SLC25A21: variants seen among roughly 807,000 people sequenced by gnomAD.
SLC25A21 encodes solute carrier family 25 member 21, also known as mitochondrial 2-oxodicarboxylate carrier.
SLC25A21 carries 47 observed loss-of-function variants against 43.8 expected under a neutral mutation model. That is an observed-to-expected ratio of 1.07 (90% CI 0.85 to 1.37). The LOEUF (loss-of-function observed/expected upper bound fraction) is 1.37. Among genes scored for constraint, SLC25A21 ranks in the 40% most tolerant of loss-of-function variants. The pLI is 0.00. For synonymous variants in SLC25A21, 131 were observed against 121.3 expected (o/e 1.08, Z -0.52); for missense variants, 352 against 350.2 (o/e 1.00, Z -0.04).
chr14:36,779,320 T>C (rs906255038), intron 3 of SLC25A21, among the ~76,000 whole-genome samples: 10 of 144,952 alleles, frequency 6.9e-5, no homozygotes, highest in Non-Finnish European at 1.2e-4. Context: ...TTCTTATATA[T>C]AAAGAATATT....
intron 2 of SLC25A21, among the ~76,000 whole-genome samples, chr14:36,829,571 A>G (rs2138477436): frequency 6.6e-6 from 1 of 152,212 alleles, no homozygotes; most frequent in East Asian, 1.9e-4. Context: ...CACCCTGCCC[A>G]CACCTTTACA....
intron 1 of SLC25A21, among the ~76,000 whole-genome samples, chr14:36,914,433 C>G (rs1432018493): frequency 6.6e-6 from 1 of 152,174 alleles, no homozygotes; most frequent in Non-Finnish European, 1.5e-5. Context: ...TTTGCCCCTG[C>G]TGCACAGCAA....
intron 7 of SLC25A21, among the ~76,000 whole-genome samples, chr14:36,710,156 G>A (rs551456542): frequency 1.4e-3 from 211 of 152,120 alleles, no homozygotes; most frequent in African/African-American, 5.0e-3. Flanking sequence ...AGGCTGAGGC[G>A]GGTGGGTTGC....
At chr14:36,894,516 T>G (rs952535316) in intron 1 of SLC25A21, among the ~76,000 whole-genome samples, 1 of 152,028 alleles carries the variant, frequency 6.6e-6, no homozygotes, top group African/African-American at 2.4e-5. Context: ...CTTTTCCTAA[T>G]TGAATACCCT....
chr14:36,868,861 G>C (rs1890287498), intron 2 of SLC25A21, among the ~76,000 whole-genome samples: 1 of 152,140 alleles, frequency 6.6e-6, no homozygotes, highest in Non-Finnish European at 1.5e-5. Context: ...CTGAAGGTAG[G>C]GAGAGAAGGG....
chr14:36,858,359 A>T (rs1416404860), intron 2 of SLC25A21, among the ~76,000 whole-genome samples: 1 of 152,196 alleles, frequency 6.6e-6, no homozygotes, highest in Admixed American at 6.5e-5. Flanking sequence ...TCTCAACCTG[A>T]TGTTTAAGCA....
At chr14:36,777,632 G>C (rs989947509) in intron 3 of SLC25A21, among the ~76,000 whole-genome samples, 1 of 152,192 alleles carries the variant, frequency 6.6e-6, no homozygotes, top group Non-Finnish European at 1.5e-5. Context: ...ACTAGCTAGA[G>C]TGCCAAGGAT....
chr14:37,057,559 TA>T (rs754499623), intron 1 of SLC25A21, among the ~76,000 whole-genome samples: 1 of 152,054 alleles, frequency 6.6e-6, no homozygotes, highest in Non-Finnish European at 1.5e-5. Flanking sequence ...GCAACAGTAA[TA>T]AAAAAATAAC....
chr14:36,954,210 T>C lies in SLC25A21; in HGVS notation c.71-79206A>G, dbSNP rs1446241070. ...AAAAAATGTCTCTGATTGTCCTTTGTAATTTCTGCCTCATGTTTCTTCTCC... is the reference window on the plus strand; with the variant it reads ...AAAAAATGTCTCTGATTGTCCTTTGCAATTTCTGCCTCATGTTTCTTCTCC... On this transcript the variant is annotated intron_variant, in intron 1 of 9. Coordinates refer to ENST00000331299, the MANE Select transcript of SLC25A21 (RefSeq NM_030631.4). Among the ~76,000 whole-genome samples, 3 of 152,290 alleles carry C rather than the reference T, an allele frequency of 2.0e-5. No homozygotes were observed. In the East Asian group the frequency reaches 5.8e-4, roughly 29 times the overall value.
chr14:36,736,533 G>A (rs1345107984), intron 3 of SLC25A21, among the ~76,000 whole-genome samples: 1 of 152,136 alleles, frequency 6.6e-6, no homozygotes, highest in Non-Finnish European at 1.5e-5. Flanking sequence ...TTCTTGAACA[G>A]AAGTTCTATA....
intron 1 of SLC25A21, among the ~76,000 whole-genome samples, chr14:37,040,609 T>A (rs987326134): frequency 6.6e-6 from 1 of 151,612 alleles, no homozygotes; most frequent in Non-Finnish European, 1.5e-5. Flanking sequence ...TAATAAAAAA[T>A]GACATAATTA....
chr14:37,037,390 T>TA (rs1300122488), intron 1 of SLC25A21, among the ~76,000 whole-genome samples: 2 of 152,160 alleles, frequency 1.3e-5, no homozygotes, highest in East Asian at 1.9e-4. Context: ...ATCAGTCTTT[T>TA]TAAAAAAGCA....
intron 1 of SLC25A21, among the ~76,000 whole-genome samples, chr14:37,163,641 C>T (rs1963985697): frequency 6.6e-6 from 1 of 151,996 alleles, no homozygotes; most frequent in African/African-American, 2.4e-5. Flanking sequence ...AACCTGGTTC[C>T]TTTCATTCAT....
intron 1 of SLC25A21, among the ~76,000 whole-genome samples, chr14:37,103,745 C>T (rs1178777303): frequency 6.6e-6 from 1 of 152,166 alleles, no homozygotes; most frequent in Non-Finnish European, 1.5e-5. Flanking sequence ...AGTCCCAAGC[C>T]TCAACTGTGC....
chr14:36,714,575 G>T lies in SLC25A21; in HGVS notation c.439-3093C>A, dbSNP rs890214219. The stretch of plus-strand genomic sequence containing the variant: ...TAAGGCCATACGGGAAGAAAGGCTG[G>T]CAATGGAAAAGCACATGAATTGGGC... On this transcript the variant is annotated intron_variant, in intron 6 of 9. Coordinates refer to ENST00000331299, the MANE Select transcript of SLC25A21 (RefSeq NM_030631.4). Among the ~76,000 whole-genome samples, 3 of 152,314 alleles carry T rather than the reference G, an allele frequency of 2.0e-5. No homozygotes were observed. The South Asian group carries it at 6.2e-4, about 32-fold the overall frequency.
At chr14:37,154,940 C>T (rs772643671) in intron 1 of SLC25A21, among the ~76,000 whole-genome samples, 1 of 152,050 alleles carries the variant, frequency 6.6e-6, no homozygotes, top group African/African-American at 2.4e-5. Context: ...CCACGCCCGG[C>T]CGATATCTTT....
intron 7 of SLC25A21, among the ~76,000 whole-genome samples, chr14:36,694,140 C>T (rs1882914883): frequency 2.6e-5 from 4 of 151,880 alleles, no homozygotes; most frequent in Admixed American, 2.6e-4. Flanking sequence ...TCAATTCCCA[C>T]CTGTGAGTGA....
intron 1 of SLC25A21, among the ~76,000 whole-genome samples, chr14:36,986,765 C>T (rs1169140260): frequency 6.6e-6 from 1 of 151,946 alleles, no homozygotes; most frequent in Non-Finnish European, 1.5e-5. Context: ...TTTAGGTGTT[C>T]TTTGTTTCTT....
rs143145341 is a variant in SLC25A21 at position 37,042,747 on chromosome 14, G to A, written c.70+129534C>T. Among the ~76,000 whole-genome samples, 1,061 of 152,288 alleles carry A rather than the reference G, an allele frequency of 7.0e-3. 46 individuals are homozygous for A. Among genetic ancestry groups the A allele is most frequent in the Admixed American group, 0.061 (929 of 15,284 alleles). ...AAACATACCTATTGTGTAAACCAGGGCATGTGTGAATTTTTAAAACAACAA... is the reference window on the plus strand; with the variant it reads ...AAACATACCTATTGTGTAAACCAGGACATGTGTGAATTTTTAAAACAACAA... On this transcript the variant is annotated intron_variant, in intron 1 of 9. Transcript: ENST00000331299.
Sources: allele counts gnomAD v4.1 joint callset (sites outside exome capture counted in the v4.1 genomes callset), GRCh38; gene constraint gnomAD v4.1.1; transcripts MANE v1.5; gene names NCBI Gene and HGNC (gene_info 2026-07-23, HGNC 2026-07-21).